PRRC2A: variants seen among roughly 807,000 people sequenced by gnomAD.
The protein encoded by PRRC2A is protein PRRC2A.
PRRC2A carries 59 observed loss-of-function variants against 224.6 expected under a neutral mutation model. That is an observed-to-expected ratio of 0.26 (90% CI 0.21 to 0.33). The LOEUF is 0.33. Among genes scored for constraint, PRRC2A ranks in the 10% least tolerant of loss-of-function variants. The pLI is 1.00. For synonymous variants in PRRC2A, 1,194 were observed against 1,109.5 expected, an observed-to-expected ratio of 1.08 and a Z score of -1.51; for missense variants, 3,095 against 2,880.7, an observed-to-expected ratio of 1.07 and a Z score of -1.70.
At position 31,635,135 on chromosome 6, in the gene PRRC2A, C is replaced by T; in HGVS notation, c.5164C>T (p.Leu1722=). Residue 1722 remains leucine (L), a synonymous_variant, in exon 22 of 31, where the codon CTG becomes TTG. Coordinates refer to ENST00000376033, the MANE Select transcript of PRRC2A (RefSeq NM_004638.4). ...PAPHDGDRKE[L]PREQPLPPGP... Reference sequence around the variant, plus strand: ...CTTTACTGTGTGCCCAATCCAGGAGCTGCCCCGGGAGCAGCCTCTGCCCCC... The same window carrying T: ...CTTTACTGTGTGCCCAATCCAGGAGTTGCCCCGGGAGCAGCCTCTGCCCCC... 20 of 1,613,882 alleles carry T rather than the reference C, an allele frequency of 1.2e-5. No homozygotes were observed. The highest frequency in any genetic ancestry group is 1.7e-5 in the Non-Finnish European group (20 of 1,179,864).
Position 31,625,639 on chromosome 6 carries a change from G to A in PRRC2A, c.759+28G>A, listed in dbSNP as rs371020699. 3.2e-5 allele frequency: 51 copies of A among 1,602,584 alleles called. No individual in the cohort carries two copies. Among genetic ancestry groups the A allele is most frequent in the African/African-American group, 2.1e-4 (16 of 74,758 alleles). On this transcript the variant is annotated intron_variant, in intron 7 of 30. Transcript: ENST00000376033. This position sits in a 1 kb window ranked among gnomAD's most constrained non-coding sequence, Gnocchi z 4.1. ...GAGTCTTGGTGTCTTGTCTTGGAAC[G>A]ATTACACTGGAAGCTGGAGAGCTAG...
chr6:31,628,070 A>C lies in PRRC2A; in HGVS notation c.1596A>C (p.Pro532=). ...PAVPKELPAP[P]APPPASAPTP... is the part of the protein sequence containing the mutation. ...TCCCTAAAGAACTCCCTGCACCTCCAGCTCCACCTCCAGCATCAGCCCCAA... is the reference window on the plus strand; with the variant it reads ...TCCCTAAAGAACTCCCTGCACCTCCCGCTCCACCTCCAGCATCAGCCCCAA... Residue 532 remains proline, a synonymous_variant, in exon 12 of 31, where the codon CCA becomes CCC. Coordinates refer to ENST00000376033, the MANE Select transcript of PRRC2A (RefSeq NM_004638.4). 1 of 1,612,834 alleles carries C rather than the reference A, an allele frequency of 6.2e-7. No homozygotes were observed. The highest frequency in any genetic ancestry group is 8.5e-7 in the Non-Finnish European group (1 of 1,179,882).
rs780933566 is a variant in PRRC2A at position 31,636,825 on chromosome 6, G to C, written c.6027G>C (p.Leu2009=). ...APPPAPPPLS[L]LPVGPALQPP... Reference sequence around the variant, plus strand: ...CTCCTGCCCCACCTCCCCTTTCTCTGTTACCTGTGGGCCCTGCTCTGCAGC... The same window carrying C: ...CTCCTGCCCCACCTCCCCTTTCTCTCTTACCTGTGGGCCCTGCTCTGCAGC... The change falls in exon 28 of 31, where the codon CTG becomes CTC. Residue 2009 remains leucine (L), a synonymous_variant. Coordinates refer to ENST00000376033, the MANE Select transcript of PRRC2A (RefSeq NM_004638.4). The surrounding 1 kb of genome is among the most constrained non-coding windows in gnomAD (Gnocchi z 4.3). 2.5e-6 allele frequency: 4 copies of C among 1,611,664 alleles called. No homozygotes were observed. Among genetic ancestry groups the C allele is most frequent in the Middle Eastern group, 1.6e-4 (1 of 6,062 alleles).
rs1035901644 is a variant in PRRC2A at position 31,628,111 on chromosome 6, C to A, written c.1637C>A (p.Pro546His). The A allele has an allele frequency of 1.2e-6, 2 of 1,613,064 alleles. No homozygotes were observed. Among genetic ancestry groups the A allele is most frequent in the Non-Finnish European group, 1.7e-6 (2 of 1,180,024 alleles). Residue 546 changes from proline to histidine, a missense_variant, in exon 12 of 31, where the codon CCT becomes CAT. Around this residue, in one of 8 missense-constraint regions of PRRC2A, gnomAD observed 2,001 missense variants for 1,764.9 expected, o/e 1.13. Coordinates refer to ENST00000376033, the MANE Select transcript of PRRC2A (RefSeq NM_004638.4). ...PASAPTPETE[P>H]EEPAQAPPAQ... Reference sequence around the variant, plus strand: ...TCAGCCCCAACACCAGAGACAGAACCTGAAGAGCCAGCACAGGCCCCTCCT... The same window carrying A: ...TCAGCCCCAACACCAGAGACAGAACATGAAGAGCCAGCACAGGCCCCTCCT...
chr6:31,632,323 C>A lies in PRRC2A; in HGVS notation c.3650C>A (p.Pro1217His). 1 of 1,613,434 alleles carries A rather than the reference C, an allele frequency of 6.2e-7. No individual in the cohort carries two copies. The highest frequency in any genetic ancestry group is 1.7e-5 in the Admixed American group (1 of 60,032). The stretch of plus-strand genomic sequence containing the variant: ...TTGAAAGAGAAGTTGATCCCAGGGC[C>A]TCTGTCCCCTGTGGCGCGCGGAGGC... ...EPLKEKLIPG[P>H]LSPVARGGSN... The change falls in exon 16 of 31, where the codon CCT (proline) becomes CAT (histidine). Residue 1217 changes from proline to histidine, a missense_variant. Transcript: ENST00000376033.
rs1267573433 is a variant in PRRC2A, at chr6:31,635,259, G to A, written c.5288G>A (p.Gly1763Asp). 1 of 1,614,026 alleles carries A rather than the reference G, an allele frequency of 6.2e-7. No individual in the cohort carries two copies. Among genetic ancestry groups the A allele is most frequent in the African/African-American group, 1.3e-5 (1 of 74,944 alleles). ...SHRPGPPVQFGTSDKDSDLRL... is the reference protein window; with the variant it reads ...SHRPGPPVQFDTSDKDSDLRL... ...CGACCTGGTCCCCCAGTCCAGTTTG[G>A]CACTAGTGACAAGGTCTGTGTGGGC... is the stretch of plus-strand genomic sequence containing the variant. The change falls in exon 22 of 31, where the codon GGC (glycine) becomes GAC (aspartate). Residue 1763 changes from glycine to aspartate, a missense_variant. Coordinates refer to ENST00000376033, the MANE Select transcript of PRRC2A (RefSeq NM_004638.4).
At chr6:31,629,948 C>A (rs1164684630) in intron 14 of PRRC2A, 103 bp downstream of exon 14, 3 of 1,528,036 alleles carry the variant, frequency 2.0e-6, no homozygotes, top group Non-Finnish European at 2.6e-6. Context: ...TTTTGCCCAT[C>A]ATAGTGATGA....
chr6:31,628,937 C>T (rs1017018312), intron 12 of PRRC2A: 34 of 562,594 alleles, frequency 6.0e-5, no homozygotes, highest in Non-Finnish European at 1.0e-4. Flanking sequence ...CTAATGGTTT[C>T]ATAGAAAGTT....
At position 31,636,518 on chromosome 6, in the gene PRRC2A, G is replaced by C. The variant is rs746068255; in HGVS notation, c.5844G>C (p.Gln1948His). The change falls in exon 27 of 31, where the codon CAG becomes CAC. Residue 1948 changes from glutamine to histidine, a missense_variant. Coordinates refer to ENST00000376033, the MANE Select transcript of PRRC2A (RefSeq NM_004638.4). This position sits in a 1 kb window ranked among gnomAD's most constrained non-coding sequence, Gnocchi z 4.3. ...TCCCTGTTTCCCGACAGGTACGCCAGGATCTGCCATCCCCTTCGGATTTTT... is the reference window on the plus strand; with the variant it reads ...TCCCTGTTTCCCGACAGGTACGCCACGATCTGCCATCCCCTTCGGATTTTT... Reference protein sequence around the residue: ...LPDTSLLQVRQDLPSPSDFYS... With the variant: ...LPDTSLLQVRHDLPSPSDFYS... 3.1e-6 allele frequency: 5 copies of C among 1,609,572 alleles called. No individual in the cohort carries two copies. In the Admixed American group the frequency reaches 6.7e-5, roughly 22 times the overall value.
At position 31,631,442 on chromosome 6, in the gene PRRC2A, G is replaced by A. The variant is rs761277594; in HGVS notation, c.2769G>A (p.Glu923=). Reference sequence around the variant, plus strand: ...CACCACGCAGAGAGAGTCGCACAGAGACCCGCTGGGGCCCTCGTCCAGGGA... The same window carrying A: ...CACCACGCAGAGAGAGTCGCACAGAAACCCGCTGGGGCCCTCGTCCAGGGA... ...PPPPRRESRT[E]TRWGPRPGSS... is the part of the protein sequence containing the mutation. Residue 923 remains glutamate, a synonymous_variant, in exon 16 of 31, where the codon GAG becomes GAA. Coordinates refer to ENST00000376033, the MANE Select transcript of PRRC2A (RefSeq NM_004638.4). The surrounding 1 kb of genome is among the most constrained non-coding windows in gnomAD (Gnocchi z 4.5). 5 of 1,609,946 alleles carry A rather than the reference G, an allele frequency of 3.1e-6. No individual in the cohort carries two copies. Among genetic ancestry groups the A allele is most frequent in the Non-Finnish European group, 4.2e-6 (5 of 1,178,712 alleles).
chr6:31,622,664 T>C (rs1016675216), intron 1 of PRRC2A, 26 bp from the exon 2 acceptor site: 2 of 683,964 alleles, frequency 2.9e-6, no homozygotes, highest in Non-Finnish European at 5.1e-6. Flanking sequence ...AATGGAGTTT[T>C]TAAGTTTCTG....
At position 31,626,977 on chromosome 6, in the gene PRRC2A, C is replaced by T. The variant is rs748263782; in HGVS notation, c.1074-5C>T. Reference sequence around the variant, plus strand: ...ATTTTAATTTCACTGTTGATCTGCTCACAGCAGGGATTCCCAATCAGCTTC... The same window carrying T: ...ATTTTAATTTCACTGTTGATCTGCTTACAGCAGGGATTCCCAATCAGCTTC... On this transcript the variant is annotated splice_polypyrimidine_tract_variant and splice_region_variant and intron_variant, in intron 10 of 30. Transcript: ENST00000376033. 2.5e-6 allele frequency: 4 copies of T among 1,614,020 alleles called. No individual in the cohort carries two copies. In the South Asian group the frequency reaches 3.3e-5, roughly 13 times the overall value.
At chr6:31,635,338 C>CATAGAGG in intron 22 of PRRC2A, 56 bp from the exon 23 acceptor site, 1 of 1,613,774 alleles carries the variant, frequency 6.2e-7, no homozygotes, top group Non-Finnish European at 8.5e-7. Flanking sequence ...AAAGGTGGGA[C>CATAGAGG]ATAGAGGACA....
At chr6:31,628,562 G>C (rs963003935) in intron 12 of PRRC2A, 1 of 395,262 alleles carries the variant, frequency 2.5e-6, no homozygotes, top group Non-Finnish European at 4.5e-6. Flanking sequence ...AGACCCTGTC[G>C]GCCAGGCATG....
chr6:31,620,931 G>GGCC (rs1351324106), intron 1 of PRRC2A, 73 bp downstream of exon 1: 13 of 156,880 alleles, frequency 8.3e-5, no homozygotes, highest in Non-Finnish European at 9.8e-5. Flanking sequence ...CGGTGGCGGC[G>GGCC]GCGGCGGCGG....
rs764027729 is a variant in PRRC2A, at chr6:31,625,605, G to A, written c.753G>A (p.Pro251=). 1.2e-5 allele frequency: 19 copies of A among 1,578,108 alleles called. No homozygotes were observed. The highest frequency in any genetic ancestry group is 2.3e-5 in the South Asian group (2 of 85,124). Residue 251 remains proline (P), a synonymous_variant, in exon 7 of 31, where the codon CCG becomes CCA. Coordinates refer to ENST00000376033, the MANE Select transcript of PRRC2A (RefSeq NM_004638.4). The surrounding 1 kb of genome is among the most constrained non-coding windows in gnomAD (Gnocchi z 4.1). ...TCCCTCCCTACCGCGGAATGATGCCGCCTTTCGTGAGTCTTGGTGTCTTGT... is the reference window on the plus strand; with the variant it reads ...TCCCTCCCTACCGCGGAATGATGCCACCTTTCGTGAGTCTTGGTGTCTTGT... ...PQFPPYRGMM[P]PFMYPPYLPF... is the part of the protein sequence containing the mutation.
chr6:31,635,460 A>T lies in PRRC2A; in HGVS notation c.5368A>T (p.Thr1790Ser). The T allele has an allele frequency of 6.2e-7, 1 of 1,614,158 alleles. No individual in the cohort carries two copies. ...AGAGAAGGAGCTAACAGCATCAGTCACTGAGGTAAGTGGGAGTAAGAGTTT... is the reference window on the plus strand; with the variant it reads ...AGAGAAGGAGCTAACAGCATCAGTCTCTGAGGTAAGTGGGAGTAAGAGTTT... ...KAEKELTASV[T>S]EAIPVSRDWE... The change falls in exon 23 of 31, where the codon ACT (threonine) becomes TCT (serine). Residue 1790 changes from threonine (T) to serine (S), a missense_variant. Physicochemically the swap from Thr to Ser is moderately conservative, Grantham distance 58 (BLOSUM62 1). Coordinates refer to ENST00000376033, the MANE Select transcript of PRRC2A (RefSeq NM_004638.4).
At position 31,625,601 on chromosome 6, in the gene PRRC2A, T is replaced by C; in HGVS notation, c.749T>C (p.Met250Thr). The C allele has an allele frequency of 6.3e-7, 1 of 1,576,116 alleles. No homozygotes were observed. Among genetic ancestry groups the C allele is most frequent in the Non-Finnish European group, 8.6e-7 (1 of 1,159,522 alleles). The change falls in exon 7 of 31, where the codon ATG (methionine) becomes ACG (threonine). Residue 250 changes from methionine (M) to threonine (T), a missense_variant. By Grantham distance (81) the Met-to-Thr change is moderately conservative. Around this residue, in one of 8 missense-constraint regions of PRRC2A, gnomAD observed 287 missense variants for 275.3 expected, o/e 1.04. Coordinates refer to ENST00000376033, the MANE Select transcript of PRRC2A (RefSeq NM_004638.4). This position sits in a 1 kb window ranked among gnomAD's most constrained non-coding sequence, Gnocchi z 4.1. ...CAGTTCCCTCCCTACCGCGGAATGATGCCGCCTTTCGTGAGTCTTGGTGTC... is the reference window on the plus strand; with the variant it reads ...CAGTTCCCTCCCTACCGCGGAATGACGCCGCCTTTCGTGAGTCTTGGTGTC... Reference protein sequence around the residue: ...PPQFPPYRGMMPPFMYPPYLP... With the variant: ...PPQFPPYRGMTPPFMYPPYLP...
At position 31,629,269 on chromosome 6, in the gene PRRC2A, A is replaced by G; in HGVS notation, c.1891A>G (p.Ser631Gly). 6.2e-7 allele frequency: 1 copy of G among 1,608,102 alleles called. No homozygotes were observed. The highest frequency in any genetic ancestry group is 8.5e-7 in the Non-Finnish European group (1 of 1,177,170). ...GATTGGTCCCACCCGCCAGCCCCCT[A>G]GTCAGGGCTTGGGCTACCCCAAATA... ...DGIGPTRQPP[S>G]QGLGYPKYQK... is the part of the protein sequence containing the mutation. Residue 631 changes from serine to glycine, a missense_variant, in exon 13 of 31, where the codon AGT (serine) becomes GGT (glycine). Coordinates refer to ENST00000376033, the MANE Select transcript of PRRC2A (RefSeq NM_004638.4).
Sources: gnomAD v4.1 joint callset for allele counts on GRCh38, gnomAD v4.1.1 for gene constraint, gnomAD v4.1.1 regional missense constraint, Gnocchi (gnomAD v3.1) non-coding constraint, MANE v1.5 for transcripts, NCBI Gene and HGNC (gene_info 2026-07-23, HGNC 2026-07-21) for gene names.